Variants in CPQ observed in about 807,000 individuals in gnomAD.
CPQ encodes the protein Ser-Met dipeptidase.
A neutral mutation model predicts 45.7 loss-of-function variants in CPQ; 37 were observed. That is an observed-to-expected ratio of 0.81 (90% CI 0.62 to 1.07). The LOEUF (loss-of-function observed/expected upper bound fraction) is 1.07, where lower values mean the gene tolerates loss of function less well. Among genes scored for constraint, CPQ ranks in the 50% least tolerant of loss-of-function variants. CPQ has a pLI of 0.00. For synonymous variants in CPQ, 186 were observed against 205.8 expected (o/e 0.90, Z 0.82); for missense variants, 537 against 572.9 (o/e 0.94, Z 0.64).
chr8:96,987,217 T>C (rs1203702256), intron 5 of CPQ, among the ~76,000 whole-genome samples: 2 of 152,164 alleles, frequency 1.3e-5, no homozygotes, highest in African/African-American at 4.8e-5. Context: ...ATTTGAGCTC[T>C]TGAAGCATGA....
intron 3 of CPQ, among the ~76,000 whole-genome samples, chr8:96,868,937 T>A (rs1335358180): frequency 6.6e-6 from 1 of 151,296 alleles, no homozygotes; most frequent in Non-Finnish European, 1.5e-5. Context: ...TCTGTTGGAA[T>A]AAATAATTTT....
intron 7 of CPQ, among the ~76,000 whole-genome samples, chr8:97,113,249 T>C (rs1811527152): frequency 6.6e-6 from 1 of 152,122 alleles, no homozygotes; most frequent in African/African-American, 2.4e-5. Flanking sequence ...AGACAAGTCC[T>C]GTGCTGTCGC....
chr8:96,934,248 C>G (rs1044254694), intron 4 of CPQ, among the ~76,000 whole-genome samples: 1 of 152,142 alleles, frequency 6.6e-6, no homozygotes, highest in African/African-American at 2.4e-5. Flanking sequence ...GTGAGAGAAA[C>G]ACACAACAAG....
intron 1 of CPQ, among the ~76,000 whole-genome samples, chr8:96,668,841 T>G (rs1284381249): frequency 1.3e-5 from 2 of 150,718 alleles, no homozygotes; most frequent in African/African-American, 4.9e-5. Flanking sequence ...GCTGAACAAA[T>G]GGGTAACTTG....
chr8:96,971,184 T>G (rs1813671658), intron 5 of CPQ, among the ~76,000 whole-genome samples: 1 of 152,192 alleles, frequency 6.6e-6, no homozygotes, highest in Non-Finnish European at 1.5e-5. Context: ...CTTGGATTTG[T>G]TTTCATTCTA....
chr8:96,848,480 TTGTC>T (rs1249893658), intron 3 of CPQ, among the ~76,000 whole-genome samples: 7 of 152,244 alleles, frequency 4.6e-5, no homozygotes, highest in Non-Finnish European at 8.8e-5. Context: ...CTGCTGTACT[TTGTC>T]TGCATTTTTT....
At chr8:96,676,313 C>T (rs1207908481) in intron 1 of CPQ, among the ~76,000 whole-genome samples, 3 of 152,010 alleles carry the variant, frequency 2.0e-5, no homozygotes, top group African/African-American at 7.2e-5. Context: ...TCTCTATCTC[C>T]ATGAGATAAA....
intron 1 of CPQ, among the ~76,000 whole-genome samples, chr8:96,709,586 T>C (rs1214181399): frequency 6.6e-6 from 1 of 152,204 alleles, no homozygotes; most frequent in Non-Finnish European, 1.5e-5. Flanking sequence ...TTTGATATAA[T>C]GACTTCTTTT....
At chr8:97,112,251 T>C (rs1188187567) in intron 7 of CPQ, among the ~76,000 whole-genome samples, 1 of 152,020 alleles carries the variant, frequency 6.6e-6, no homozygotes, top group Non-Finnish European at 1.5e-5. Flanking sequence ...GGCTTATATT[T>C]TACTAGGAGA....
At chr8:96,743,197 A>T (rs569324759) in intron 1 of CPQ, among the ~76,000 whole-genome samples, 1 of 151,030 alleles carries the variant, frequency 6.6e-6, no homozygotes, top group African/African-American at 2.4e-5. Context: ...TTTTCTCTAA[A>T]CTTCCCTTCT....
chr8:97,014,998 A>T (rs1230379390), intron 5 of CPQ, among the ~76,000 whole-genome samples: 2 of 152,312 alleles, frequency 1.3e-5, no homozygotes, highest in South Asian at 4.1e-4. Context: ...GAGATGCATT[A>T]CTTTTTTATA....
At chr8:97,033,160 CG>C (rs1347256896) in intron 6 of CPQ, among the ~76,000 whole-genome samples, 1 of 109,948 alleles carries the variant, frequency 9.1e-6, no homozygotes, top group Non-Finnish European at 1.8e-5. Context: ...ACTTTTATGG[CG>C]GGGGTGGGGA....
At chr8:97,045,140 C>A (rs989658939) in intron 6 of CPQ, among the ~76,000 whole-genome samples, 20 of 152,322 alleles carry the variant, frequency 1.3e-4, no homozygotes, top group African/African-American at 4.6e-4. Flanking sequence ...TGGGCTCCAC[C>A]CAGTTCGAGC....
chr8:96,960,061 C>T (rs1433654826), intron 4 of CPQ, among the ~76,000 whole-genome samples: 1 of 152,052 alleles, frequency 6.6e-6, no homozygotes, highest in Non-Finnish European at 1.5e-5. Flanking sequence ...ATACAACTCA[C>T]ATAATTTTTA....
rs142500286 is a variant in CPQ, at chr8:96,696,606, A to G, written c.-35+51204A>G. Among the ~76,000 whole-genome samples the G allele has an allele frequency of 8.7e-3, 1,317 of 152,134 alleles. 13 individuals are homozygous for G. The highest frequency in any genetic ancestry group is 0.026 in the African/African-American group (1,075 of 41,552). ...AAAAGTTGGTTTTGTGAAAAGATAA[A>G]CAAAATTTACAAACTTTAGTCAGGC... is the stretch of plus-strand genomic sequence containing the variant. On this transcript the variant is annotated intron_variant, in intron 1 of 7. Coordinates refer to ENST00000220763, the MANE Select transcript of CPQ (RefSeq NM_016134.4).
rs531000526 is a variant in CPQ, at chr8:96,651,411, C to T, written c.-35+6009C>T. Among the ~76,000 whole-genome samples the T allele has an allele frequency of 4.6e-5, 7 of 152,130 alleles. No homozygotes were observed. The South Asian group carries it at 1.5e-3, about 32-fold the overall frequency. On this transcript the variant is annotated intron_variant, in intron 1 of 7. Coordinates refer to ENST00000220763, the MANE Select transcript of CPQ (RefSeq NM_016134.4). ...CAAAGCAAAGACTGTTATATTAGACCCAGAGTTATTCTGTACTGACAAAAG... is the reference window on the plus strand; with the variant it reads ...CAAAGCAAAGACTGTTATATTAGACTCAGAGTTATTCTGTACTGACAAAAG...
intron 7 of CPQ, among the ~76,000 whole-genome samples, chr8:97,100,923 A>G (rs1417196754): frequency 6.6e-6 from 1 of 152,216 alleles, no homozygotes. Context: ...AGTATTAGAA[A>G]TAATTTTACA....
chr8:96,817,161 G>A (rs1811239021), intron 2 of CPQ, among the ~76,000 whole-genome samples: 1 of 152,118 alleles, frequency 6.6e-6, no homozygotes, highest in African/African-American at 2.4e-5. Flanking sequence ...CTGTTGTTCA[G>A]CGTAGTGACA....
At chr8:96,784,188 A>G (rs1810727135) in intron 1 of CPQ, among the ~76,000 whole-genome samples, 1 of 152,118 alleles carries the variant, frequency 6.6e-6, no homozygotes, top group East Asian at 1.9e-4. Flanking sequence ...TGTTATTATT[A>G]TTTATTATGT....
Sources: allele counts gnomAD v4.1 joint callset (sites outside exome capture counted in the v4.1 genomes callset), GRCh38; gene constraint gnomAD v4.1.1; transcripts MANE v1.5; gene names NCBI Gene and HGNC (gene_info 2026-07-23, HGNC 2026-07-21).